FAM185A: variants seen among roughly 807,000 people sequenced by gnomAD.
The protein encoded by FAM185A is protein FAM185A.
A neutral mutation model predicts 45.7 loss-of-function variants in FAM185A; 21 were observed. The observed-to-expected ratio is 0.46, with a 90% confidence interval of 0.33 to 0.66. The LOEUF (loss-of-function observed/expected upper bound fraction) is 0.66. Ranked by LOEUF, FAM185A falls within the 30% of genes least tolerant of loss-of-function variation. The probability of loss-of-function intolerance (pLI) is 0.03; values close to 1 mark genes in which losing one functional copy is unlikely to be tolerated. For synonymous variants in FAM185A, 117 were observed against 194.0 expected, an observed-to-expected ratio of 0.60 and a Z score of 3.30; for missense variants, 305 against 485.4, an observed-to-expected ratio of 0.63 and a Z score of 3.49.
chr7:102,787,507 C>G, intron 7 of FAM185A, 38 bp downstream of exon 7: 1 of 1,390,028 alleles, frequency 7.2e-7, no homozygotes. Context: ...GATGAATAGC[C>G]ATTCTCCATA....
chr7:102,755,596 C>T (rs9690473), intron 2 of FAM185A: 78,450 of 626,064 alleles, frequency 0.13, 5,429 homozygotes, highest in Admixed American at 0.18. Context: ...AAGAAAGCTC[C>T]GCTGGTGGTG....
intron 6 of FAM185A, among the ~76,000 whole-genome samples, chr7:102,781,541 G>A (rs1795408539): frequency 6.6e-6 from 1 of 152,186 alleles, no homozygotes; most frequent in Non-Finnish European, 1.5e-5. Flanking sequence ...CTGATACCCA[G>A]GCAAACGGTC....
At chr7:102,819,838 G>T in the FAM185A span, among the ~76,000 whole-genome samples, 1 of 152,098 alleles carries the variant, frequency 6.6e-6, no homozygotes, top group African/African-American at 2.4e-5. Flanking sequence ...AGTTTTGAAG[G>T]GTCTACATAC....
the FAM185A span, among the ~76,000 whole-genome samples, chr7:102,827,845 T>A: frequency 4.6e-5 from 7 of 152,292 alleles, no homozygotes; most frequent in African/African-American, 1.7e-4. Flanking sequence ...GGGGAATCCT[T>A]TCCCCATTTC....
At chr7:102,761,671 CTTTTTTT>C (rs536698581) in intron 4 of FAM185A, among the ~76,000 whole-genome samples, 4 of 147,824 alleles carry the variant, frequency 2.7e-5, no homozygotes, top group Admixed American at 1.3e-4. Context: ...TTTCTTTTTT[CTTTTTTT>C]TTTGAGACAG....
chr7:102,829,618 C>G, the FAM185A span, among the ~76,000 whole-genome samples: 1 of 152,272 alleles, frequency 6.6e-6, no homozygotes, highest in East Asian at 1.9e-4. Context: ...CCCAGAGCAA[C>G]CAGCTTTTCC....
the FAM185A span, among the ~76,000 whole-genome samples, chr7:102,818,803 A>G: frequency 6.6e-6 from 1 of 152,134 alleles, no homozygotes; most frequent in African/African-American, 2.4e-5. Flanking sequence ...TCCAACTTTT[A>G]TTTTAGGTTC....
Position 102,808,296 on chromosome 7 carries a change from T to C in FAM185A, c.1073T>C (p.Met358Thr). The change falls in exon 8 of 8, where the codon ATG becomes ACG. Residue 358 changes from methionine (M) to threonine (T), a missense_variant. Physicochemically the swap from Met to Thr is moderately conservative, Grantham distance 81. This residue lies in a region of FAM185A where 66 missense variants were observed against 74.6 expected (regional missense o/e 0.89). Transcript: ENST00000413034. ...ATGCAATTTTGTGTTTTAGGACTCA[T>C]GAATCAAGCAAGCAAACGTGAAAAA... ...KDDVVTVTGL[M>T]NQASKREKWI... The C allele has an allele frequency of 9.7e-6, 15 of 1,550,976 alleles. No individual in the cohort carries two copies. Among genetic ancestry groups the C allele is most frequent in the Non-Finnish European group, 1.3e-5 (15 of 1,146,230 alleles).
chr7:102,809,963 C>T (rs1260049883), downstream of FAM185A, among the ~76,000 whole-genome samples: 1 of 152,032 alleles, frequency 6.6e-6, no homozygotes, highest in East Asian at 1.9e-4. Context: ...GGTATCTTCC[C>T]CGTCTCTCTC....
rs180993097 is a variant in FAM185A, at chr7:102,767,022, C to T, written c.794-5387C>T. Among the ~76,000 whole-genome samples, 1,190 of 152,222 alleles carry T rather than the reference C, an allele frequency of 7.8e-3. 16 individuals carry two copies. Among genetic ancestry groups the T allele is most frequent in the African/African-American group, 0.027 (1,137 of 41,514 alleles). ...TGTTGGCCAGGTTGGTCTCAAACTC[C>T]TGACCTCAGGTGATCCGCACGCCTC... On this transcript the variant is annotated intron_variant, in intron 4 of 7. Coordinates refer to ENST00000413034, the MANE Select transcript of FAM185A (RefSeq NM_001145268.2).
chr7:102,761,916 G>A (rs1290350525), intron 4 of FAM185A, among the ~76,000 whole-genome samples: 1 of 152,124 alleles, frequency 6.6e-6, no homozygotes, highest in Non-Finnish European at 1.5e-5. Flanking sequence ...CACCCCCTTG[G>A]CCTCCCAAAG....
At chr7:102,818,284 G>A in the FAM185A span, among the ~76,000 whole-genome samples, 1 of 152,200 alleles carries the variant, frequency 6.6e-6, no homozygotes, top group African/African-American at 2.4e-5. Context: ...ATATAAAGGC[G>A]AAGAGCAGCA....
Position 102,761,278 on chromosome 7 carries a change from G to A in FAM185A, c.660G>A (p.Val220=). 6.5e-7 allele frequency: 1 copy of A among 1,539,106 alleles called. No individual in the cohort carries two copies. Among genetic ancestry groups the A allele is most frequent in the Non-Finnish European group, 8.8e-7 (1 of 1,142,720 alleles). ...ATTAGTCTTTCTCTTACTAGGCTGT[G>A]ACCATAGATAAACTGCAGGGAAGTT... The part of the protein sequence containing the change: ...IDIHASDKSA[V]TIDKLQGSSV... The change falls in exon 4 of 8, where the codon GTG becomes GTA. Residue 220 remains valine (V), a synonymous_variant. Transcript: ENST00000413034.
intron 6 of FAM185A, chr7:102,779,667 A>C (rs1229785344): frequency 1.3e-5 from 2 of 152,058 alleles, no homozygotes; most frequent in Non-Finnish European, 2.9e-5. Context: ...TGTAGTTTAC[A>C]TTTGAACCCT....
At chr7:102,842,671 C>T in the FAM185A span, among the ~76,000 whole-genome samples, 8 of 152,192 alleles carry the variant, frequency 5.3e-5, no homozygotes, top group African/African-American at 1.9e-4. Context: ...ACAGGCTGGT[C>T]ATAGGCCATT....
chr7:102,838,091 C>T, the FAM185A span, among the ~76,000 whole-genome samples: 1 of 152,190 alleles, frequency 6.6e-6, no homozygotes, highest in Non-Finnish European at 1.5e-5. Flanking sequence ...TCACTCGGTT[C>T]AGTAACTGCC....
downstream of FAM185A, chr7:102,813,514 A>G (rs200659466): frequency 1.9e-6 from 3 of 1,613,934 alleles, no homozygotes; most frequent in African/African-American, 2.7e-5. Flanking sequence ...TTTAGATGAC[A>G]TTCTTTGAGC....
the FAM185A span, among the ~76,000 whole-genome samples, chr7:102,848,273 G>GTGTGTACGGATATTATATAAATGTATTT: frequency 7.7e-5 from 9 of 116,196 alleles, no homozygotes; most frequent in East Asian, 3.0e-4. Context: ...ATACACATTC[G>GTGTGTACGGATATTATATAAATGTATTT]AGGCCGGGCG....
the FAM185A span, among the ~76,000 whole-genome samples, chr7:102,835,036 A>G: frequency 5.9e-5 from 9 of 152,194 alleles, no homozygotes; most frequent in African/African-American, 2.2e-4. Context: ...TGACACCAAT[A>G]ATAATAAAGA....
Sources: allele counts gnomAD v4.1 joint callset (sites outside exome capture counted in the v4.1 genomes callset), GRCh38; gene constraint gnomAD v4.1.1; regional missense constraint gnomAD v4.1.1; transcripts MANE v1.5; gene names NCBI Gene and HGNC (gene_info 2026-07-23, HGNC 2026-07-21).